Variants in XAGE2 observed in about 807,000 individuals in gnomAD.
The protein encoded by XAGE2 is G antigen family D member 3.
XAGE2 carries 7 observed loss-of-function variants against 9.9 expected under a neutral mutation model. That is an observed-to-expected ratio of 0.71 (90% CI 0.40 to 1.32). XAGE2 has a LOEUF of 1.32. Ranked by LOEUF, XAGE2 falls within the 40% of genes most tolerant of loss-of-function variation. XAGE2 has a pLI of 0.01. For missense variants in XAGE2, 85 were observed against 81.0 expected (o/e 1.05, Z -0.19); for synonymous variants, 31 against 26.8 (o/e 1.16, Z -0.48).
intron 3 of XAGE2, 84 bp downstream of exon 3, chrX:52,370,756 G>A (rs1332031860): frequency 6.5e-6 from 6 of 926,035 alleles, no homozygotes; most frequent in African/African-American, 2.0e-5. Context: ...CCAGTAATAG[G>A]AGGAAAGAAA....
At chrX:52,371,360 G>A (rs1921187567) in intron 3 of XAGE2, among the ~76,000 whole-genome samples, 1 of 112,146 alleles carries the variant, frequency 8.9e-6, no homozygotes, top group Non-Finnish European at 1.9e-5. Flanking sequence ...CCGGAAAAGG[G>A]CTCAATGAAT....
intron 3 of XAGE2, among the ~76,000 whole-genome samples, chrX:52,371,842 C>T (rs1001102424): frequency 3.7e-4 from 41 of 111,748 alleles, no homozygotes; most frequent in African/African-American, 1.3e-3. Context: ...ATTACCTCAG[C>T]AAGATATGGT....
intron 4 of XAGE2, among the ~76,000 whole-genome samples, chrX:52,375,061 C>G (rs994309232): frequency 0.011 from 1,221 of 111,660 alleles, 21 homozygotes; most frequent in African/African-American, 0.038. Context: ...TTCTATTCAC[C>G]ACGCATATGC....
chrX:52,373,005 C>G (rs980762214), intron 4 of XAGE2, among the ~76,000 whole-genome samples: 1 of 112,375 alleles, frequency 8.9e-6, no homozygotes, highest in Admixed American at 9.4e-5. Flanking sequence ...GTGAAATATG[C>G]TGAGTACTGA....
chrX:52,372,784 C>A, intron 4 of XAGE2, 115 bp downstream of exon 4: 1 of 992,391 alleles, frequency 1.0e-6, no homozygotes, highest in Non-Finnish European at 1.4e-6. Flanking sequence ...CAAATACACA[C>A]TTTCTTTGAA....
intron 4 of XAGE2, among the ~76,000 whole-genome samples, chrX:52,374,245 T>C (rs1921261060): frequency 9.0e-6 from 1 of 111,728 alleles, no homozygotes; most frequent in Non-Finnish European, 1.9e-5. Flanking sequence ...TTTTCTTTTG[T>C]TTTACTTTTG....
chrX:52,369,923 G>A, intron 1 of XAGE2, 84 bp from the exon 2 acceptor site: 1 of 1,020,376 alleles, frequency 9.8e-7, no homozygotes, highest in Non-Finnish European at 1.4e-6. Context: ...TTTAAAAACT[G>A]AAATTTAACA....
At chrX:52,370,441 T>C in intron 2 of XAGE2, 126 bp from the exon 3 acceptor site, 1 of 627,503 alleles carries the variant, frequency 1.6e-6, no homozygotes, top group Non-Finnish European at 2.7e-6. Flanking sequence ...TGGAACAGTG[T>C]TGGAGAAGTG....
intron 3 of XAGE2, among the ~76,000 whole-genome samples, chrX:52,371,528 T>C (rs1437080006): frequency 8.9e-6 from 1 of 112,188 alleles, no homozygotes; most frequent in Non-Finnish European, 1.9e-5. Flanking sequence ...ACTCAAAGTA[T>C]GATACAATTA....
rs1921218763 is a variant in XAGE2 at position 52,372,594 on chromosome X, GA to G, written c.239del (p.Asp80ValfsTer36). On this transcript the variant is annotated frameshift_variant, in exon 4 of 5. Coordinates refer to ENST00000286049, the MANE Select transcript of XAGE2 (RefSeq NM_130777.3). LOFTEE classifies it high-confidence loss of function. ...LQELCQTKTG[D>X]GCEGGTDVKG... Reference sequence around the variant, plus strand: ...GGAGCTATGTCAGACAAAGACTGGGGATGGATGTGAAGGTGGTACTGATGTC... The same window carrying G: ...GGAGCTATGTCAGACAAAGACTGGGGTGGATGTGAAGGTGGTACTGATGTC... 1 of 1,209,721 alleles carries G rather than the reference GA, an allele frequency of 8.3e-7. No individual in the cohort carries two copies. Among genetic ancestry groups the G allele is most frequent in the African/African-American group, 1.7e-5 (1 of 57,189 alleles).
intron 3 of XAGE2, 135 bp downstream of exon 3, chrX:52,370,807 G>A: frequency 1.7e-6 from 1 of 579,193 alleles, no homozygotes; most frequent in South Asian, 3.2e-5. Flanking sequence ...AAAGTAGGCT[G>A]GAAAAGTGAA....
At chrX:52,372,980 G>T (rs1921229817) in intron 4 of XAGE2, among the ~76,000 whole-genome samples, 1 of 112,372 alleles carries the variant, frequency 8.9e-6, no homozygotes, top group African/African-American at 3.2e-5. Context: ...TAATGCATTT[G>T]TAATACCAGA....
intron 4 of XAGE2, 120 bp from the exon 5 acceptor site, chrX:52,375,449 C>T (rs1921291329): frequency 1.4e-6 from 1 of 695,255 alleles, no homozygotes; most frequent in African/African-American, 2.2e-5. Flanking sequence ...GAGGGTGACT[C>T]TTGGGTTTAT....
chrX:52,373,883 C>A (rs1021000116), intron 4 of XAGE2, among the ~76,000 whole-genome samples: 1 of 111,244 alleles, frequency 9.0e-6, no homozygotes, highest in Admixed American at 9.6e-5. Flanking sequence ...ATTGAACAAG[C>A]CTCAGTTGTA....
chrX:52,369,971 A>C, intron 1 of XAGE2, 36 bp from the exon 2 acceptor site: 4 of 1,185,547 alleles, frequency 3.4e-6, no homozygotes, highest in Non-Finnish European at 4.6e-6. Context: ...CTATCCTCTC[A>C]AACACACTTT....
At chrX:52,370,458 GACTT>G in intron 2 of XAGE2, 105 bp from the exon 3 acceptor site, 1 of 695,320 alleles carries the variant, frequency 1.4e-6, no homozygotes, top group South Asian at 2.2e-5. Flanking sequence ...AGTGTCTTTA[GACTT>G]ACTTGTGATT....
rs950913544 is a variant in XAGE2, at chrX:52,370,054, A to G, written c.40A>G (p.Arg14Gly). 7 of 1,212,492 alleles carry G rather than the reference A, an allele frequency of 5.8e-6. No individual in the cohort carries two copies. The South Asian group carries it at 1.1e-4, about 18-fold the overall frequency. The change falls in exon 2 of 5, where the codon AGA becomes GGA. Residue 14 changes from arginine (R) to glycine (G), a missense_variant. Arg to Gly is a moderately radical substitution (Grantham distance 125). Transcript: ENST00000286049. ...AAGATCAACATATAGGCCTAGGCCAAGAAGAAGTTTACAGCCTCCTGAGCT... is the reference window on the plus strand; with the variant it reads ...AAGATCAACATATAGGCCTAGGCCAGGAAGAAGTTTACAGCCTCCTGAGCT... ...RGRSTYRPRP[R>G]RSLQPPELIG...
intron 3 of XAGE2, among the ~76,000 whole-genome samples, chrX:52,371,583 T>TA (rs1921194274): frequency 8.9e-6 from 1 of 112,120 alleles, no homozygotes; most frequent in East Asian, 2.8e-4. Context: ...ATTTTCAAGC[T>TA]AAAGTTGACG....
At chrX:52,375,537 G>C in intron 4 of XAGE2, 32 bp from the exon 5 acceptor site, 2 of 1,200,178 alleles carry the variant, frequency 1.7e-6, no homozygotes, top group East Asian at 3.0e-5. Flanking sequence ...AGTTCTGCTA[G>C]TAATGTTCCA....
Sources: allele counts gnomAD v4.1 joint callset (sites outside exome capture counted in the v4.1 genomes callset), GRCh38; gene constraint gnomAD v4.1.1; transcripts MANE v1.5; gene names NCBI Gene and HGNC (gene_info 2026-07-23, HGNC 2026-07-21).